MACF1: variants seen among roughly 807,000 people sequenced by gnomAD.
MACF1 encodes the protein microtubule-actin cross-linking factor 1.
Under a neutral mutation model 854.8 loss-of-function variants are expected in MACF1, and 193 were observed. The ratio of observed to expected loss-of-function variants is 0.23; its 90% CI spans 0.20 to 0.25. The LOEUF is 0.25. Among genes scored for constraint, MACF1 ranks in the 10% least tolerant of loss-of-function variants. MACF1 has a pLI of 1.00. For synonymous variants in MACF1, 3,185 were observed against 3,226.7 expected, an observed-to-expected ratio of 0.99 and a Z score of 0.44; for missense variants, 7,722 against 8,929.1, an observed-to-expected ratio of 0.86 and a Z score of 5.45.
chr1:39,112,157 G>C (rs1428620277), intron 2 of MACF1, among the ~76,000 whole-genome samples: 1 of 148,174 alleles, frequency 6.7e-6, no homozygotes, highest in Non-Finnish European at 1.5e-5. Context: ...CATGATCTCA[G>C]CTCACTGCAA....
intron 2 of MACF1, among the ~76,000 whole-genome samples, chr1:39,165,894 A>T (rs1357146724): frequency 6.6e-6 from 1 of 152,142 alleles, no homozygotes; most frequent in Non-Finnish European, 1.5e-5. Flanking sequence ...TATCAACTTA[A>T]TTGCCTCACT....
intron 2 of MACF1, among the ~76,000 whole-genome samples, chr1:39,189,745 T>C (rs1409648704): frequency 6.6e-6 from 1 of 152,192 alleles, no homozygotes; most frequent in Non-Finnish European, 1.5e-5. Flanking sequence ...ATTTCTGAAG[T>C]TCCATTCACT....
chr1:39,400,255 A>G (rs1230742465), intron 58 of MACF1, among the ~76,000 whole-genome samples: 1 of 152,222 alleles, frequency 6.6e-6, no homozygotes, highest in Non-Finnish European at 1.5e-5. Flanking sequence ...ATCATTTACT[A>G]GCTGAGTGAC....
Position 39,332,165 on chromosome 1 carries a change from C to T in MACF1, c.5577C>T (p.Ile1859=), listed in dbSNP as rs1458480170. 1 of 1,613,924 alleles carries T rather than the reference C, an allele frequency of 6.2e-7. No individual in the cohort carries two copies. Among genetic ancestry groups the T allele is most frequent in the Non-Finnish European group, 8.5e-7 (1 of 1,179,990 alleles). The change falls in exon 37 of 101, where the codon ATC becomes ATT. Residue 1859 remains isoleucine, a synonymous_variant. Coordinates refer to ENST00000564288, the MANE Select transcript of MACF1 (RefSeq NM_001394062.1). ...TGCTGTGGCCTGAATCTGGAGAGAT[C>T]CTCCCAATTACAGATGCCCTAGAAC... ...MGLLWPESGE[I]LPITDALEQG... is the part of the protein sequence containing the mutation.
intron 58 of MACF1, among the ~76,000 whole-genome samples, chr1:39,420,283 T>C (rs1169433977): frequency 1.3e-5 from 2 of 152,226 alleles, no homozygotes; most frequent in Non-Finnish European, 2.9e-5. Context: ...TACCTTGGCT[T>C]TCTGCCTTCT....
intron 2 of MACF1, among the ~76,000 whole-genome samples, chr1:39,176,126 A>AAAAAAAAAAAAAAAAAAAAAAAAC (rs1398154427): frequency 2.3e-5 from 3 of 129,504 alleles, no homozygotes; most frequent in Non-Finnish European, 3.4e-5. Context: ...AAAAAAAAAA[A>AAAAAAAAAAAAAAAAAAAAAAAAC]AGCCAGGTGT....
At position 39,485,949 on chromosome 1, in the gene MACF1, CT is replaced by C; in HGVS notation, c.*156del. The C allele has an allele frequency of 1.2e-6, 1 of 829,216 alleles. No homozygotes were observed. Among genetic ancestry groups the C allele is most frequent in the South Asian group, 4.4e-5 (1 of 22,660 alleles). The allele number at this position is 829,216 out of a possible 1,614,324, so 51.4% of individuals were successfully genotyped here. A position where few individuals can be genotyped will look rare whatever the true frequency, so the allele number is the denominator to read the frequency against. ...TTATTTTTTTTCTTTTTGTAAGTTA[CT>C]ATTTTCATGTGAATATTTATGTAGA... On this transcript the variant is annotated 3_prime_UTR_variant, in exon 101 of 101. Transcript: ENST00000564288.
intron 87 of MACF1, 79 bp downstream of exon 87, chr1:39,452,891 T>C: frequency 6.6e-7 from 1 of 1,522,994 alleles, no homozygotes; most frequent in East Asian, 2.3e-5. Context: ...AAAGCAACTT[T>C]TTCTTGGAAA....
chr1:39,388,872 C>CTTTTT lies in MACF1; in HGVS notation c.15816+234_15816+238dup, dbSNP rs548104092. The stretch of plus-strand genomic sequence containing the variant: ...TCTTTTTCTTTTTCTTCTTCTTCTT[C>CTTTTT]TTTTTTTTTTTTTTTTTTTTTTTTG... On this transcript the variant is annotated intron_variant, in intron 58 of 100. Coordinates refer to ENST00000564288, the MANE Select transcript of MACF1 (RefSeq NM_001394062.1). 2.6e-3 allele frequency among the ~76,000 whole-genome samples: 230 copies of CTTTTT among 87,240 alleles called. 1 individual carries two copies. Among genetic ancestry groups the CTTTTT allele is most frequent in the African/African-American group, 5.3e-3 (106 of 19,992 alleles). The allele number at this position is 87,240 out of a possible 152,430, so 57.2% of individuals were successfully genotyped here.
chr1:39,256,893 A>G (rs1174238682), intron 5 of MACF1, among the ~76,000 whole-genome samples: 1 of 139,860 alleles, frequency 7.2e-6, no homozygotes, highest in African/African-American at 2.7e-5. Flanking sequence ...GAACCTTAAG[A>G]AAAAAAAAAA....
Position 39,231,216 on chromosome 1 carries a change from C to G in MACF1, c.144C>G (p.Thr48=), listed in dbSNP as rs992747054. The change falls in exon 2 of 101, where the codon ACC becomes ACG. Residue 48 remains threonine, a synonymous_variant. Coordinates refer to ENST00000564288, the MANE Select transcript of MACF1 (RefSeq NM_001394062.1). ...ACCGGGTTCAGAAGAAAACGTTCACCAAGTGGGTCAACAAGCACTTAATGA... is the reference window on the plus strand; with the variant it reads ...ACCGGGTTCAGAAGAAAACGTTCACGAAGTGGGTCAACAAGCACTTAATGA... ...ERDRVQKKTF[T]KWVNKHLMKV... 6.2e-7 allele frequency: 1 copy of G among 1,614,134 alleles called. No individual in the cohort carries two copies. The highest frequency in any genetic ancestry group is 8.5e-7 in the Non-Finnish European group (1 of 1,180,006).
In MACF1 at chr1:39,455,087, C is replaced by G; in HGVS notation, c.21065C>G (p.Ala7022Gly). 6.2e-7 allele frequency: 1 copy of G among 1,613,850 alleles called. No individual in the cohort carries two copies. The highest frequency in any genetic ancestry group is 8.5e-7 in the Non-Finnish European group (1 of 1,179,850). The change falls in exon 89 of 101, where the codon GCT becomes GGT. Residue 7022 changes from alanine (A) to glycine (G), a missense_variant. Ala to Gly is a moderately conservative substitution (Grantham distance 60). Coordinates refer to ENST00000564288, the MANE Select transcript of MACF1 (RefSeq NM_001394062.1). Reference protein sequence around the residue: ...QNIDRVKALIAEHQTFMEEMT... With the variant: ...QNIDRVKALIGEHQTFMEEMT... ...ATTGACCGAGTTAAAGCCCTTATCG[C>G]TGAGCATCAGGTATCTTAACCTCAC...
chr1:39,387,854 A>T lies in MACF1; in HGVS notation c.15012A>T (p.Ser5004=). 6.2e-7 allele frequency: 1 copy of T among 1,614,102 alleles called. No homozygotes were observed. The highest frequency in any genetic ancestry group is 1.1e-5 in the South Asian group (1 of 91,080). ...AAGAGCTGCAGGCCAAAACAGGGTCACTCGAAGAAATGACTCAGAGGCTCA... is the reference window on the plus strand; with the variant it reads ...AAGAGCTGCAGGCCAAAACAGGGTCTCTCGAAGAAATGACTCAGAGGCTCA... ...VTEELQAKTG[S]LEEMTQRLRE... The change falls in exon 58 of 101, where the codon TCA becomes TCT. Residue 5004 remains serine, a synonymous_variant. Coordinates refer to ENST00000564288, the MANE Select transcript of MACF1 (RefSeq NM_001394062.1).
At chr1:39,309,414 TAAA>T (rs1429315768) in intron 23 of MACF1, among the ~76,000 whole-genome samples, 153 bp from the exon 24 acceptor site, 1 of 152,210 alleles carries the variant, frequency 6.6e-6, no homozygotes, top group African/African-American at 2.4e-5. Flanking sequence ...AATTTAGTTC[TAAA>T]AATTCCTGAG....
chr1:39,315,646 A>C lies in MACF1; in HGVS notation c.3404A>C (p.Glu1135Ala), dbSNP rs1422106637. 1.2e-6 allele frequency: 2 copies of C among 1,614,036 alleles called. No homozygotes were observed. The highest frequency in any genetic ancestry group is 2.2e-5 in the East Asian group (1 of 44,892). ...TLRSELNLLVEKMDHVYGLST... is the reference protein window; with the variant it reads ...TLRSELNLLVAKMDHVYGLST... Reference sequence around the variant, plus strand: ...CGCTCAGAACTGAATCTGCTGGTGGAGAAGATGGACCATGTCTATGGTCTC... The same window carrying C: ...CGCTCAGAACTGAATCTGCTGGTGGCGAAGATGGACCATGTCTATGGTCTC... Residue 1135 changes from glutamate to alanine, a missense_variant, in exon 27 of 101, where the codon GAG becomes GCG. By Grantham distance (107) the Glu-to-Ala change is moderately radical (BLOSUM62 -1). Coordinates refer to ENST00000564288, the MANE Select transcript of MACF1 (RefSeq NM_001394062.1).
intron 1 of MACF1, among the ~76,000 whole-genome samples, chr1:39,221,684 G>A (rs1259526404): frequency 6.6e-6 from 1 of 152,144 alleles, no homozygotes; most frequent in Non-Finnish European, 1.5e-5. Context: ...ATAGCTAAAG[G>A]CTATTGTTTC....
intron 2 of MACF1, among the ~76,000 whole-genome samples, chr1:39,146,950 A>G (rs1416503479): frequency 6.6e-6 from 1 of 152,116 alleles, no homozygotes; most frequent in South Asian, 2.1e-4. Flanking sequence ...TATCTCATGT[A>G]ACCCATAAAT....
At chr1:39,087,436 C>G (rs1421988041) in intron 2 of MACF1, among the ~76,000 whole-genome samples, 1 of 152,214 alleles carries the variant, frequency 6.6e-6, no homozygotes, top group Non-Finnish European at 1.5e-5. Context: ...GCTGAGAAAC[C>G]TGCTGATTTC....
At chr1:39,405,643 T>C (rs1642667212) in intron 58 of MACF1, among the ~76,000 whole-genome samples, 1 of 152,244 alleles carries the variant, frequency 6.6e-6, no homozygotes, top group African/African-American at 2.4e-5. Flanking sequence ...GCCAGGATTT[T>C]TCTTTCTTCT....
Sources: gnomAD v4.1 joint callset for allele counts (sites outside exome capture counted in the v4.1 genomes callset) on GRCh38, gnomAD v4.1.1 for gene constraint, MANE v1.5 for transcripts, NCBI Gene and HGNC (gene_info 2026-07-23, HGNC 2026-07-21) for gene names.